The following DGKB variants were observed in gnomAD, a reference collection of about 807,000 sequenced individuals.
DGKB encodes 90 kDa diacylglycerol kinase.
DGKB carries 67 observed loss-of-function variants against 114.3 expected under a neutral mutation model. That is an observed-to-expected ratio of 0.59 (90% CI 0.48 to 0.72). The LOEUF is 0.72. DGKB is among the 30% of genes least tolerant of loss of function. The pLI, the probability that DGKB is intolerant of heterozygous loss-of-function variation, is 0.00. For missense variants in DGKB, 907 were observed against 975.2 expected (o/e 0.93, Z 0.93); for synonymous variants, 398 against 323.1 (o/e 1.23, Z -2.49).
chr7:14,201,587 C>T (rs1335747486), intron 23 of DGKB, among the ~76,000 whole-genome samples: 1 of 151,800 alleles, frequency 6.6e-6, no homozygotes, highest in Non-Finnish European at 1.5e-5. Flanking sequence ...GGTTGGTAGA[C>T]AAGCTGATGA....
intron 14 of DGKB, among the ~76,000 whole-genome samples, chr7:14,628,875 GA>G (rs1240039713): frequency 6.6e-6 from 1 of 151,520 alleles, no homozygotes; most frequent in Non-Finnish European, 1.5e-5. Flanking sequence ...TATAGTGCCA[GA>G]AAAAAATAAC....
At chr7:14,826,019 T>G (rs1845661683) in intron 2 of DGKB, among the ~76,000 whole-genome samples, 1 of 152,164 alleles carries the variant, frequency 6.6e-6, no homozygotes, top group Non-Finnish European at 1.5e-5. Context: ...CTTCAGCATT[T>G]CTCCTTACTG....
chr7:14,536,619 C>G (rs1433783975), intron 20 of DGKB, among the ~76,000 whole-genome samples: 2 of 152,148 alleles, frequency 1.3e-5, no homozygotes, highest in Admixed American at 6.6e-5. Flanking sequence ...TCAACACTCT[C>G]TCATGCTAAA....
intron 1 of DGKB, among the ~76,000 whole-genome samples, chr7:14,909,493 T>G (rs1222621153): frequency 1.3e-5 from 2 of 152,100 alleles, no homozygotes; most frequent in Non-Finnish European, 2.9e-5. Flanking sequence ...CTTTAATAAT[T>G]TGTAGAAATT....
chr7:14,548,595 A>G (rs536510407), intron 20 of DGKB, among the ~76,000 whole-genome samples: 31 of 152,290 alleles, frequency 2.0e-4, no homozygotes, highest in Admixed American at 9.2e-4. Flanking sequence ...GTAAAGTAAA[A>G]GCATCTTAGA....
chr7:14,924,260 CT>C (rs1479703354), intron 1 of DGKB, among the ~76,000 whole-genome samples: 8 of 152,268 alleles, frequency 5.3e-5, no homozygotes, highest in African/African-American at 1.9e-4. Context: ...TTTTATTCCA[CT>C]GTCCTACGCG....
At chr7:14,662,610 A>C (rs1470462710) in intron 13 of DGKB, among the ~76,000 whole-genome samples, 1 of 151,946 alleles carries the variant, frequency 6.6e-6, no homozygotes, top group Non-Finnish European at 1.5e-5. Flanking sequence ...CTAAAATATG[A>C]CTTCTTTACT....
At chr7:14,417,283 T>A (rs186634388) in intron 21 of DGKB, among the ~76,000 whole-genome samples, 31 of 152,152 alleles carry the variant, frequency 2.0e-4, no homozygotes, top group Non-Finnish European at 3.7e-4. Flanking sequence ...TGTTCTGAGA[T>A]TGTTATATGC....
intron 16 of DGKB, among the ~76,000 whole-genome samples, chr7:14,607,994 A>T (rs17168300): frequency 6.6e-6 from 1 of 152,002 alleles, no homozygotes; most frequent in Non-Finnish European, 1.5e-5. Context: ...ACATGTAAGC[A>T]AAGAATGTAG....
intron 4 of DGKB, among the ~76,000 whole-genome samples, chr7:14,747,779 G>GCGCGCACACACACACACACA (rs1554636463): frequency 6.7e-6 from 1 of 148,502 alleles, no homozygotes; most frequent in Admixed American, 6.7e-5. Context: ...CCACGCGCAC[G>GCGCGCACACACACACACACA]CACACACACA....
intron 21 of DGKB, among the ~76,000 whole-genome samples, chr7:14,372,029 G>A (rs1378252972): frequency 6.6e-6 from 1 of 152,108 alleles, no homozygotes; most frequent in African/African-American, 2.4e-5. Context: ...CCCAAGTCTG[G>A]GAAAATGTCT....
intron 22 of DGKB, among the ~76,000 whole-genome samples, chr7:14,340,135 G>A (rs935627020): frequency 6.7e-6 from 1 of 148,440 alleles, no homozygotes; most frequent in Admixed American, 6.8e-5. Flanking sequence ...TTTCAATGAG[G>A]GCGAAACCAA....
intron 20 of DGKB, among the ~76,000 whole-genome samples, chr7:14,486,969 G>T (rs1432416910): frequency 6.6e-6 from 1 of 152,116 alleles, no homozygotes; most frequent in Non-Finnish European, 1.5e-5. Context: ...TAATTTAACT[G>T]AAGTAAAAGA....
intron 13 of DGKB, among the ~76,000 whole-genome samples, chr7:14,655,204 T>C (rs1320678956): frequency 6.6e-6 from 1 of 151,528 alleles, no homozygotes; most frequent in African/African-American, 2.4e-5. Context: ...ATAATGGTAA[T>C]AATCCCATTA....
At chr7:14,590,932 G>A (rs1198203645) in intron 17 of DGKB, among the ~76,000 whole-genome samples, 1 of 152,166 alleles carries the variant, frequency 6.6e-6, no homozygotes, top group South Asian at 2.1e-4. Context: ...TGGCAGAATA[G>A]TCACAATTTT....
At chr7:14,838,022 C>T (rs1203434066) in intron 2 of DGKB, among the ~76,000 whole-genome samples, 1 of 152,134 alleles carries the variant, frequency 6.6e-6, no homozygotes, top group African/African-American at 2.4e-5. Context: ...AATGCTCTTA[C>T]ACTCAGTGTG....
intron 2 of DGKB, among the ~76,000 whole-genome samples, chr7:14,789,165 C>T (rs1324424206): frequency 6.6e-6 from 1 of 151,870 alleles, no homozygotes; most frequent in Non-Finnish European, 1.5e-5. Flanking sequence ...GTCCTTTCCT[C>T]ATTTTCTCTA....
intron 23 of DGKB, among the ~76,000 whole-genome samples, chr7:14,329,904 A>T (rs1480543803): frequency 6.6e-6 from 1 of 152,004 alleles, no homozygotes; most frequent in Non-Finnish European, 1.5e-5. Flanking sequence ...CGTTAAATTG[A>T]CTTAAAGTTA....
chr7:14,855,362 G>C (rs1197789417), intron 1 of DGKB, among the ~76,000 whole-genome samples: 1 of 152,102 alleles, frequency 6.6e-6, no homozygotes, highest in Non-Finnish European at 1.5e-5. Flanking sequence ...TAGGTATATA[G>C]TTTTAATCTT....
Sources: gnomAD v4.1 joint callset for allele counts (sites outside exome capture counted in the v4.1 genomes callset) on GRCh38, gnomAD v4.1.1 for gene constraint, MANE v1.5 for transcripts, NCBI Gene and HGNC (gene_info 2026-07-23, HGNC 2026-07-21) for gene names.